The following SOX5 variants were observed in gnomAD, a reference collection of about 807,000 sequenced individuals.
The protein encoded by SOX5 is SRY-box transcription factor 5, also known as transcription factor SOX-5.
A neutral mutation model predicts 92.0 loss-of-function variants in SOX5; 9 were observed. The ratio of observed to expected loss-of-function variants is 0.10; its 90% CI spans 0.06 to 0.17. The LOEUF (loss-of-function observed/expected upper bound fraction) is 0.17. Among genes scored for constraint, SOX5 ranks in the 10% least tolerant of loss-of-function variants. SOX5 has a pLI of 1.00. For synonymous variants in SOX5, 344 were observed against 336.3 expected, an observed-to-expected ratio of 1.02 and a Z score of -0.25; for missense variants, 642 against 944.5, an observed-to-expected ratio of 0.68 and a Z score of 4.20.
At chr12:23,973,513 A>T (rs1000862840) in intron 4 of SOX5, among the ~76,000 whole-genome samples, 4 of 152,178 alleles carry the variant, frequency 2.6e-5, no homozygotes. Flanking sequence ...GTATATATAC[A>T]AAACAGAATA....
chr12:24,512,208 A>G lies in SOX5; in HGVS notation c.-251+50121T>C, dbSNP rs149338536. ...TCAGAAGCCTGAATGAACTCGAGGTAAAGTGATACTCTGTTAAGATGTCTT... is the reference window on the plus strand; with the variant it reads ...TCAGAAGCCTGAATGAACTCGAGGTGAAGTGATACTCTGTTAAGATGTCTT... On this transcript the variant is annotated intron_variant, in intron 1 of 4. Coordinates refer to the SOX5 transcript ENST00000446891. Among the ~76,000 whole-genome samples, 524 of 152,330 alleles carry G rather than the reference A, an allele frequency of 3.4e-3. 3 individuals carry two copies. The highest frequency in any genetic ancestry group is 0.014 in the Middle Eastern group (4 of 294).
chr12:23,764,425 A>G (rs1038566697), intron 3 of SOX5, among the ~76,000 whole-genome samples: 2 of 152,110 alleles, frequency 1.3e-5, no homozygotes, highest in African/African-American at 2.4e-5. Flanking sequence ...GCATTTAAAA[A>G]CAGTTAAATT....
At chr12:23,661,905 A>C (rs1176790361) in intron 7 of SOX5, among the ~76,000 whole-genome samples, 1 of 152,198 alleles carries the variant, frequency 6.6e-6, no homozygotes, top group Non-Finnish European at 1.5e-5. Flanking sequence ...TTATCCACAA[A>C]TATAATTAAG....
At chr12:23,954,663 A>C (rs7314326), upstream of SOX5, among the ~76,000 whole-genome samples, 96,424 of 151,714 alleles carry the variant, frequency 0.64, 31,556 homozygotes, top group Non-Finnish European at 0.72. Context: ...AATTCAGTCC[A>C]CCATAATACA....
chr12:24,446,120 A>T (rs1941432390), intron 1 of SOX5, among the ~76,000 whole-genome samples: 1 of 152,214 alleles, frequency 6.6e-6, no homozygotes. Flanking sequence ...GGCACTGAAG[A>T]CACAGCTATG....
intron 1 of SOX5, among the ~76,000 whole-genome samples, chr12:24,517,982 G>T (rs1002941605): frequency 6.6e-6 from 1 of 151,980 alleles, no homozygotes; most frequent in Admixed American, 6.5e-5. Context: ...ACAATTTAGT[G>T]TTTTGAATCT....
At chr12:24,385,310 C>T (rs1958265793) in intron 1 of SOX5, among the ~76,000 whole-genome samples, 1 of 152,028 alleles carries the variant, frequency 6.6e-6, no homozygotes, top group African/African-American at 2.4e-5. Context: ...ACAACATAGG[C>T]TTTGTGTTAG....
At chr12:24,174,274 C>T (rs982718294) in intron 4 of SOX5, among the ~76,000 whole-genome samples, 20 of 152,324 alleles carry the variant, frequency 1.3e-4, no homozygotes, top group African/African-American at 4.1e-4. Context: ...GCCGGGATTA[C>T]AGGTGTGAGC....
At chr12:23,662,891 T>C (rs541019251) in intron 7 of SOX5, among the ~76,000 whole-genome samples, 1 of 152,322 alleles carries the variant, frequency 6.6e-6, no homozygotes, top group South Asian at 2.1e-4. Context: ...TTGCTTAAAA[T>C]TGAAGTCAAG....
chr12:24,325,244 G>A (rs1406399993), intron 2 of SOX5, among the ~76,000 whole-genome samples: 1 of 151,990 alleles, frequency 6.6e-6, no homozygotes, highest in Non-Finnish European at 1.5e-5. Context: ...GGATGAAAAA[G>A]TAGGCTTTCA....
chr12:24,443,745 G>C (rs1160972466), intron 1 of SOX5, among the ~76,000 whole-genome samples: 1 of 152,186 alleles, frequency 6.6e-6, no homozygotes, highest in East Asian at 1.9e-4. Context: ...AGATGTTATT[G>C]AGCATTATCA....
chr12:24,009,519 T>A (rs2136500593), intron 4 of SOX5, among the ~76,000 whole-genome samples: 1 of 152,198 alleles, frequency 6.6e-6, no homozygotes, highest in East Asian at 1.9e-4. Flanking sequence ...ACAAATTACC[T>A]CAAATTTAGA....
chr12:24,137,489 G>A (rs747363972), intron 4 of SOX5, among the ~76,000 whole-genome samples: 7 of 152,034 alleles, frequency 4.6e-5, no homozygotes, highest in East Asian at 1.9e-4. Context: ...AAAATTAGCC[G>A]GGCATGGTGG....
At chr12:24,081,581 C>A (rs1023209404) in intron 4 of SOX5, among the ~76,000 whole-genome samples, 3 of 151,872 alleles carry the variant, frequency 2.0e-5, no homozygotes, top group Non-Finnish European at 2.9e-5. Flanking sequence ...CTCCGTAGGA[C>A]CTTTATTAAA....
intron 9 of SOX5, among the ~76,000 whole-genome samples, chr12:23,593,888 A>T (rs1024588149): frequency 1.3e-5 from 2 of 152,036 alleles, no homozygotes; most frequent in Non-Finnish European, 2.9e-5. Context: ...GGGAAGTGGG[A>T]TTTAAACATA....
At chr12:23,795,865 T>C (rs773754062) in intron 3 of SOX5, among the ~76,000 whole-genome samples, 9 of 152,172 alleles carry the variant, frequency 5.9e-5, no homozygotes, top group Admixed American at 2.0e-4. Flanking sequence ...TTTCTCTTCC[T>C]GGAAACAATC....
intron 2 of SOX5, among the ~76,000 whole-genome samples, chr12:24,346,630 T>G (rs1194676121): frequency 6.6e-6 from 1 of 152,042 alleles, no homozygotes; most frequent in Non-Finnish European, 1.5e-5. Flanking sequence ...TTTTTGTACT[T>G]TTAGTAGAGA....
At chr12:23,748,097 T>G (rs2094055612) in intron 4 of SOX5, among the ~76,000 whole-genome samples, 1 of 152,062 alleles carries the variant, frequency 6.6e-6, no homozygotes, top group South Asian at 2.1e-4. Context: ...CACCCAATTT[T>G]TATACTATAG....
At chr12:23,870,135 C>T (rs958479244) in intron 2 of SOX5, among the ~76,000 whole-genome samples, 1 of 151,790 alleles carries the variant, frequency 6.6e-6, no homozygotes, top group African/African-American at 2.4e-5. Context: ...CCCCTAGGGT[C>T]CAAATAGCAT....
Sources: gnomAD v4.1 joint callset for allele counts (sites outside exome capture counted in the v4.1 genomes callset) on GRCh38, gnomAD v4.1.1 for gene constraint, MANE v1.5 for transcripts, NCBI Gene and HGNC (gene_info 2026-07-23, HGNC 2026-07-21) for gene names.